Variants in SETBP1 observed in about 807,000 individuals in gnomAD.
SETBP1 encodes SET binding protein 1, also known as SET-binding protein.
SETBP1 carries 9 observed loss-of-function variants against 101.0 expected under a neutral mutation model. The ratio of observed to expected loss-of-function variants is 0.09; its 90% CI spans 0.05 to 0.16. SETBP1 has a LOEUF of 0.16. SETBP1 is among the 10% of genes least tolerant of loss of function. The pLI, the probability that SETBP1 is intolerant of heterozygous loss-of-function variation, is 1.00. For missense variants in SETBP1, 1,858 were observed against 2,033.8 expected, an observed-to-expected ratio of 0.91 and a Z score of 1.66; for synonymous variants, 818 against 788.5, an observed-to-expected ratio of 1.04 and a Z score of -0.63.
intron 2 of SETBP1, among the ~76,000 whole-genome samples, chr18:44,737,188 C>A (rs559072342): frequency 1.3e-5 from 2 of 152,346 alleles, no homozygotes; most frequent in South Asian, 4.1e-4. Flanking sequence ...TTGAGTTTGT[C>A]TGGGACAGGC....
intron 2 of SETBP1, among the ~76,000 whole-genome samples, chr18:44,790,847 G>T (rs867171369): frequency 1.4e-4 from 21 of 147,122 alleles, no homozygotes; most frequent in African/African-American, 5.4e-4. Flanking sequence ...CTAAACTTTG[G>T]GGAGATAAAA....
intron 3 of SETBP1, among the ~76,000 whole-genome samples, chr18:44,929,960 T>A (rs1006707110): frequency 6.6e-6 from 1 of 152,218 alleles, no homozygotes; most frequent in Non-Finnish European, 1.5e-5. Context: ...TGGCCAGAAC[T>A]TCCAACACTG....
chr18:44,751,664 G>A (rs532015455), intron 2 of SETBP1, among the ~76,000 whole-genome samples: 89 of 152,064 alleles, frequency 5.9e-4, no homozygotes, highest in African/African-American at 1.7e-3. Flanking sequence ...ATGCTTTTTC[G>A]TATTTCTCAA....
chr18:44,699,879 C>T (rs1227644416), intron 1 of SETBP1, among the ~76,000 whole-genome samples: 1 of 152,164 alleles, frequency 6.6e-6, no homozygotes, highest in Non-Finnish European at 1.5e-5. Flanking sequence ...CTTCAGGCTT[C>T]CAGTTCTTGG....
At chr18:44,883,497 G>C (rs2069576516) in intron 3 of SETBP1, among the ~76,000 whole-genome samples, 1 of 152,186 alleles carries the variant, frequency 6.6e-6, no homozygotes, top group African/African-American at 2.4e-5. Context: ...TATCAGTCTA[G>C]ATTAGCTAAT....
chr18:44,786,783 G>A (rs2071247169), intron 2 of SETBP1, among the ~76,000 whole-genome samples: 1 of 152,156 alleles, frequency 6.6e-6, no homozygotes, highest in Admixed American at 6.5e-5. Flanking sequence ...AGTGGCCTGG[G>A]TTTAGAGAGC....
chr18:44,903,981 G>T (rs2070112847), intron 3 of SETBP1, among the ~76,000 whole-genome samples: 1 of 151,872 alleles, frequency 6.6e-6, no homozygotes, highest in Admixed American at 6.6e-5. Flanking sequence ...GGTCTTTTAG[G>T]CCAGGAGCTA....
chr18:44,704,543 A>C (rs1441376661), intron 2 of SETBP1, among the ~76,000 whole-genome samples: 1 of 152,192 alleles, frequency 6.6e-6, no homozygotes, highest in Admixed American at 6.5e-5. Context: ...GAAATGAATT[A>C]ATACAGCTAT....
chr18:44,730,312 A>G (rs1286670182), intron 2 of SETBP1, among the ~76,000 whole-genome samples: 2 of 152,248 alleles, frequency 1.3e-5, no homozygotes, highest in South Asian at 2.1e-4. Flanking sequence ...TAAATGGTCA[A>G]TAATTCAGCT....
intron 5 of SETBP1, among the ~76,000 whole-genome samples, chr18:45,044,668 G>A (rs1476741336): frequency 6.6e-6 from 1 of 152,174 alleles, no homozygotes; most frequent in Non-Finnish European, 1.5e-5. Context: ...TTCTGCCCCA[G>A]CTTCATCTCC....
chr18:45,010,284 A>G (rs962027999), intron 4 of SETBP1, among the ~76,000 whole-genome samples: 22 of 152,208 alleles, frequency 1.4e-4, no homozygotes, highest in Admixed American at 1.3e-3. Context: ...CCTCCATCAT[A>G]TTGGTAAATT....
intron 1 of SETBP1, among the ~76,000 whole-genome samples, chr18:44,686,632 A>G (rs555187317): frequency 8.5e-5 from 13 of 152,308 alleles, no homozygotes; most frequent in African/African-American, 3.1e-4. Flanking sequence ...TTGTTTCCTG[A>G]ATGAATCACA....
At chr18:44,761,604 AG>A (rs977035072) in intron 2 of SETBP1, among the ~76,000 whole-genome samples, 1 of 152,212 alleles carries the variant, frequency 6.6e-6, no homozygotes, top group African/African-American at 2.4e-5. Flanking sequence ...CCTTATCAAG[AG>A]AATGTCCTCT....
chr18:44,812,977 T>C (rs1411409329), intron 2 of SETBP1, among the ~76,000 whole-genome samples: 1 of 152,136 alleles, frequency 6.6e-6, no homozygotes, highest in African/African-American at 2.4e-5. Flanking sequence ...AGAGGTCTCT[T>C]TGGGGCCACA....
chr18:44,683,274 C>G (rs1377255984), intron 1 of SETBP1, among the ~76,000 whole-genome samples: 1 of 152,182 alleles, frequency 6.6e-6, no homozygotes, highest in East Asian at 1.9e-4. Flanking sequence ...CCAACAGCCC[C>G]TGCTGCCATA....
chr18:44,773,567 T>G (rs1330816796), intron 2 of SETBP1, among the ~76,000 whole-genome samples: 5 of 152,190 alleles, frequency 3.3e-5, no homozygotes, highest in South Asian at 4.1e-4. Flanking sequence ...AAACAAACTG[T>G]CTTCTTGCTC....
At chr18:44,728,161 T>G (rs147806505) in intron 2 of SETBP1, among the ~76,000 whole-genome samples, 62 of 152,354 alleles carry the variant, frequency 4.1e-4, no homozygotes, top group African/African-American at 1.4e-3. Flanking sequence ...TGATCACTTT[T>G]GCACAGTTTG....
At chr18:44,833,562 G>A (rs778105443) in intron 2 of SETBP1, among the ~76,000 whole-genome samples, 1 of 152,214 alleles carries the variant, frequency 6.6e-6, no homozygotes, top group Non-Finnish European at 1.5e-5. Context: ...AAATAGGGAT[G>A]AGTATTAATT....
intron 2 of SETBP1, among the ~76,000 whole-genome samples, chr18:44,750,641 A>G (rs2070361327): frequency 6.6e-6 from 1 of 152,184 alleles, no homozygotes; most frequent in African/African-American, 2.4e-5. Context: ...GCATTTGGCC[A>G]CCTGAGTTGG....
Sources: gnomAD v4.1 joint callset for allele counts (sites outside exome capture counted in the v4.1 genomes callset) on GRCh38, gnomAD v4.1.1 for gene constraint, MANE v1.5 for transcripts, NCBI Gene and HGNC (gene_info 2026-07-23, HGNC 2026-07-21) for gene names.